GALNT14: variants seen among roughly 807,000 people sequenced by gnomAD.
The protein encoded by GALNT14 is polypeptide N-acetylgalactosaminyltransferase 14.
A neutral mutation model predicts 77.5 loss-of-function variants in GALNT14; 60 were observed. The observed-to-expected ratio is 0.77, with a 90% confidence interval of 0.63 to 0.96. GALNT14 has a LOEUF of 0.96. Ranked by LOEUF, GALNT14 falls within the 40% of genes least tolerant of loss-of-function variation. The pLI is 0.00. For synonymous variants in GALNT14, 280 were observed against 281.7 expected (o/e 0.99, Z 0.06); for missense variants, 710 against 731.0 (o/e 0.97, Z 0.33).
the GALNT14 span, among the ~76,000 whole-genome samples, chr2:30,905,208 G>A: frequency 5.9e-5 from 9 of 152,358 alleles, no homozygotes; most frequent in Admixed American, 3.9e-4. Flanking sequence ...AAAGCTGGAT[G>A]GAGAATGACT....
At chr2:31,094,019 A>C (rs1676882894) in intron 1 of GALNT14, among the ~76,000 whole-genome samples, 1 of 152,230 alleles carries the variant, frequency 6.6e-6, no homozygotes, top group Non-Finnish European at 1.5e-5. Flanking sequence ...CCCCAAGCTA[A>C]GCCATCACAT....
At chr2:31,040,917 G>A (rs1158751473) in intron 1 of GALNT14, among the ~76,000 whole-genome samples, 2 of 152,218 alleles carry the variant, frequency 1.3e-5, no homozygotes, top group East Asian at 3.8e-4. Context: ...CAGAATGCCT[G>A]GGATGAATTC....
intron 2 of GALNT14, among the ~76,000 whole-genome samples, chr2:30,985,312 T>G (rs1156882912): frequency 6.6e-6 from 1 of 152,158 alleles, no homozygotes; most frequent in African/African-American, 2.4e-5. Context: ...GAGTTACCCC[T>G]TCGGGAAATC....
chr2:31,087,145 A>G (rs894199766), intron 1 of GALNT14, among the ~76,000 whole-genome samples: 9 of 152,190 alleles, frequency 5.9e-5, no homozygotes, highest in Non-Finnish European at 1.5e-5. Context: ...AGAAGAAGGC[A>G]AAGAGCATTC....
intron 2 of GALNT14, among the ~76,000 whole-genome samples, chr2:30,969,152 C>T (rs531914378): frequency 2.0e-5 from 3 of 152,322 alleles, no homozygotes; most frequent in South Asian, 2.1e-4. Flanking sequence ...GCAGAGCCTC[C>T]TGGTCTCTCC....
chr2:31,007,289 G>A (rs1361016387), intron 1 of GALNT14, among the ~76,000 whole-genome samples: 1 of 152,140 alleles, frequency 6.6e-6, no homozygotes, highest in Non-Finnish European at 1.5e-5. Context: ...CTCAACACTG[G>A]CCATCTCCAA....
chr2:31,040,232 T>C (rs927534667), intron 1 of GALNT14, among the ~76,000 whole-genome samples: 32 of 152,230 alleles, frequency 2.1e-4, no homozygotes, highest in Non-Finnish European at 1.5e-5. Flanking sequence ...TTTTTGTTCT[T>C]GGGTTTTTTG....
intron 1 of GALNT14, among the ~76,000 whole-genome samples, chr2:31,122,199 C>T (rs896814190): frequency 3.3e-5 from 5 of 152,120 alleles, no homozygotes; most frequent in Admixed American, 6.6e-5. Context: ...CAGGGGGCTC[C>T]GGGTACCACA....
chr2:31,072,074 G>A (rs759853740), intron 1 of GALNT14, among the ~76,000 whole-genome samples: 1 of 152,076 alleles, frequency 6.6e-6, no homozygotes, highest in Non-Finnish European at 1.5e-5. Flanking sequence ...ATGTGCTAGA[G>A]ACACGTGGAA....
At chr2:31,039,321 G>A (rs1672953299) in intron 1 of GALNT14, among the ~76,000 whole-genome samples, 1 of 152,186 alleles carries the variant, frequency 6.6e-6, no homozygotes, top group South Asian at 2.1e-4. Flanking sequence ...CAATGATAAT[G>A]AGCAGCATTT....
At chr2:31,037,794 G>A (rs2161835) in intron 1 of GALNT14, among the ~76,000 whole-genome samples, 60,703 of 151,110 alleles carry the variant, frequency 0.4, 12,330 homozygotes, top group East Asian at 0.54. Flanking sequence ...CCCAGACTTC[G>A]CTGAGAGGCT....
chr2:30,905,114 A>T, the GALNT14 span, among the ~76,000 whole-genome samples: 30 of 152,340 alleles, frequency 2.0e-4, no homozygotes, highest in African/African-American at 6.7e-4. Flanking sequence ...ATGGGGAAAA[A>T]ACAGAACAGA....
At chr2:30,897,015 C>A in the GALNT14 span, among the ~76,000 whole-genome samples, 2 of 152,170 alleles carry the variant, frequency 1.3e-5, no homozygotes, top group Non-Finnish European at 1.5e-5. Flanking sequence ...TACAATGCTA[C>A]GCCCTTGCTC....
At chr2:31,083,011 C>T (rs185381042) in intron 1 of GALNT14, among the ~76,000 whole-genome samples, 27 of 151,806 alleles carry the variant, frequency 1.8e-4, no homozygotes, top group African/African-American at 6.5e-4. Context: ...AGTATGACTC[C>T]ATCTCAAAAA....
intron 1 of GALNT14, among the ~76,000 whole-genome samples, chr2:30,993,367 T>C (rs1415495713): frequency 1.3e-5 from 2 of 152,132 alleles, no homozygotes; most frequent in African/African-American, 4.8e-5. Flanking sequence ...ATCCCACAGT[T>C]AGGAAATGGC....
At position 31,087,684 on chromosome 2, in the gene GALNT14, C is replaced by G. The variant is rs577706866; in HGVS notation, c.129+50274G>C. Among the ~76,000 whole-genome samples the G allele has an allele frequency of 3.9e-5, 6 of 152,216 alleles. No homozygotes were observed. In the East Asian group the frequency reaches 1.2e-3, roughly 29 times the overall value. On this transcript the variant is annotated intron_variant, in intron 1 of 14. Coordinates refer to ENST00000349752, the MANE Select transcript of GALNT14 (RefSeq NM_024572.4). Reference sequence around the variant, plus strand: ...AGAAAGGAATTCAAGAAGGAGGGAGCAGCCAACCGTGTGGAATGCTATTGA... The same window carrying G: ...AGAAAGGAATTCAAGAAGGAGGGAGGAGCCAACCGTGTGGAATGCTATTGA...
chr2:31,003,937 C>T (rs1281635065), intron 1 of GALNT14, among the ~76,000 whole-genome samples: 2 of 152,214 alleles, frequency 1.3e-5, no homozygotes, highest in African/African-American at 4.8e-5. Context: ...TGCCAGGAAG[C>T]GTGAGCTCTA....
downstream of GALNT14, among the ~76,000 whole-genome samples, chr2:30,906,333 C>T (rs1201789935): frequency 2.0e-5 from 3 of 149,652 alleles, no homozygotes; most frequent in Admixed American, 1.3e-4. Flanking sequence ...CAGAGACACA[C>T]ATAAGCTCAA....
At chr2:31,015,297 G>GAA (rs57122032) in intron 1 of GALNT14, among the ~76,000 whole-genome samples, 7 of 121,024 alleles carry the variant, frequency 5.8e-5, no homozygotes, top group African/African-American at 9.1e-5. Context: ...CATCTCAAAG[G>GAA]AAAAAAAAAA....
Sources: gnomAD v4.1 joint callset for allele counts (sites outside exome capture counted in the v4.1 genomes callset) on GRCh38, gnomAD v4.1.1 for gene constraint, MANE v1.5 for transcripts, NCBI Gene and HGNC (gene_info 2026-07-23, HGNC 2026-07-21) for gene names.